CYFIP2: variants seen among roughly 807,000 people sequenced by gnomAD.
CYFIP2 encodes the protein cytoplasmic FMR1 interacting protein 2, also known as cytoplasmic FMR1-interacting protein 2.
A neutral mutation model predicts 158.7 loss-of-function variants in CYFIP2; 29 were observed. That is an observed-to-expected ratio of 0.18 (90% CI 0.14 to 0.25). The LOEUF (loss-of-function observed/expected upper bound fraction) is 0.25. Among genes scored for constraint, CYFIP2 ranks in the 10% least tolerant of loss-of-function variants. CYFIP2 has a pLI of 1.00. For missense variants in CYFIP2, 852 were observed against 1,639.5 expected, an observed-to-expected ratio of 0.52 and a Z score of 8.29; for synonymous variants, 585 against 617.6, an observed-to-expected ratio of 0.95 and a Z score of 0.78.
chr5:157,298,309 C>T (rs560343763), intron 5 of CYFIP2, among the ~76,000 whole-genome samples: 1 of 152,160 alleles, frequency 6.6e-6, no homozygotes, highest in East Asian at 1.9e-4. Context: ...CAGAGTTGTA[C>T]ATTCATCACG....
intron 13 of CYFIP2, among the ~76,000 whole-genome samples, chr5:157,319,276 A>G (rs73815822): frequency 1.2e-3 from 188 of 152,342 alleles, no homozygotes; most frequent in African/African-American, 4.2e-3. Flanking sequence ...TTATAAACTC[A>G]AGCAGCAACT....
At chr5:157,367,272 T>C (rs1359518989) in intron 26 of CYFIP2, among the ~76,000 whole-genome samples, 1 of 152,248 alleles carries the variant, frequency 6.6e-6, no homozygotes, top group African/African-American at 2.4e-5. Context: ...TTATAGGATG[T>C]TGAACAGCAT....
chr5:157,357,198 A>G lies in CYFIP2; in HGVS notation c.2674-1807A>G, dbSNP rs113116071. Among the ~76,000 whole-genome samples, 196 of 152,288 alleles carry G rather than the reference A, an allele frequency of 1.3e-3. 1 individual carries two copies. The highest frequency in any genetic ancestry group is 4.5e-3 in the African/African-American group (185 of 41,564). On this transcript the variant is annotated intron_variant, in intron 23 of 30. Coordinates refer to ENST00000620254, the MANE Select transcript of CYFIP2 (RefSeq NM_001037333.3). ...TTCTGATTCTTCACAAGTCCTTGCT[A>G]TTAGTGGGCACTCTAATTGTGTTCG...
chr5:157,328,265 C>T (rs13155266), intron 19 of CYFIP2, among the ~76,000 whole-genome samples: 53,450 of 152,070 alleles, frequency 0.35, 11,033 homozygotes, highest in African/African-American at 0.58. Flanking sequence ...AGACAGACAT[C>T]GACTAAAAGC....
chr5:157,323,221 A>G (rs1321444947), intron 15 of CYFIP2, among the ~76,000 whole-genome samples: 1 of 152,180 alleles, frequency 6.6e-6, no homozygotes, highest in Non-Finnish European at 1.5e-5. Context: ...TTAATTGTCT[A>G]GTAGCCTCCT....
chr5:157,307,659 G>GTGTGTGTC, intron 8 of CYFIP2, 102 bp from the exon 9 acceptor site: 1 of 481,044 alleles, frequency 2.1e-6, no homozygotes, highest in Non-Finnish European at 3.9e-6. Flanking sequence ...GTGTGTGTAT[G>GTGTGTGTC]TGTGTGTGTG....
chr5:157,343,654 A>G, intron 23 of CYFIP2: 1 of 845,504 alleles, frequency 1.2e-6, no homozygotes, highest in Non-Finnish European at 1.8e-6. Flanking sequence ...TGTTGCCCTC[A>G]TCTTACAGAC....
intron 26 of CYFIP2, among the ~76,000 whole-genome samples, chr5:157,379,259 A>T (rs1765797048): frequency 6.6e-6 from 1 of 151,898 alleles, no homozygotes; most frequent in African/African-American, 2.4e-5. Flanking sequence ...ATTATAGATA[A>T]TATACTTACA....
At chr5:157,317,492 T>C (rs1435629382) in intron 13 of CYFIP2, among the ~76,000 whole-genome samples, 4 of 152,210 alleles carry the variant, frequency 2.6e-5, no homozygotes, top group Non-Finnish European at 4.4e-5. Flanking sequence ...ACATTTTCTA[T>C]TGATTTTCTA....
intron 19 of CYFIP2, among the ~76,000 whole-genome samples, chr5:157,329,007 T>G (rs895815924): frequency 2.0e-5 from 3 of 152,234 alleles, no homozygotes; most frequent in Admixed American, 2.0e-4. Flanking sequence ...AACCAGTAAT[T>G]TCAAGGATAG....
chr5:157,283,983 T>A lies in CYFIP2; in HGVS notation c.-23-1356T>A, dbSNP rs187406157. On this transcript the variant is annotated intron_variant, in intron 1 of 30. Transcript: ENST00000620254. ...GGATCGAAGGTGGTTAGGAAGGGAT[T>A]CTCAGACAAGCACAGTGGCCCTTCT... Among the ~76,000 whole-genome samples, 19 of 152,288 alleles carry A rather than the reference T, an allele frequency of 1.2e-4. No individual in the cohort carries two copies. The East Asian group carries it at 3.5e-3, about 28-fold the overall frequency.
intron 8 of CYFIP2, 125 bp from the exon 9 acceptor site, chr5:157,307,636 G>GGGGTGTGT: frequency 1.2e-5 from 5 of 427,342 alleles, no homozygotes; most frequent in East Asian, 7.8e-5. Flanking sequence ...GTCTCTACAG[G>GGGGTGTGT]GTGTGTGTGT....
intron 21 of CYFIP2, among the ~76,000 whole-genome samples, chr5:157,338,423 T>C (rs1383162300): frequency 6.6e-6 from 1 of 152,236 alleles, no homozygotes; most frequent in Non-Finnish European, 1.5e-5. Context: ...TTAGAGCATA[T>C]AGTGGTTAAG....
At chr5:157,366,277 T>C (rs565258155) in intron 26 of CYFIP2, among the ~76,000 whole-genome samples, 7 of 152,330 alleles carry the variant, frequency 4.6e-5, no homozygotes, top group African/African-American at 1.7e-4. Flanking sequence ...CCTTTTTAAG[T>C]CATCTTTCTT....
chr5:157,304,108 G>T, intron 7 of CYFIP2, 130 bp from the exon 8 acceptor site: 2 of 1,195,726 alleles, frequency 1.7e-6, no homozygotes, highest in Non-Finnish European at 2.3e-6. Context: ...ATGCAGCCTC[G>T]CCTCCCTGGA....
At position 157,358,937 on chromosome 5, in the gene CYFIP2, T is replaced by C. The variant is rs1763607846; in HGVS notation, c.2674-68T>C. ...TCCTAATGCTTCTGTCAGCAGAACA[T>C]CTGCCAGGACTCCACCAGTGTCCAT... On this transcript the variant is annotated intron_variant, in intron 23 of 30. Transcript: ENST00000620254. 1.4e-5 allele frequency: 22 copies of C among 1,594,968 alleles called. No individual in the cohort carries two copies. The South Asian group carries it at 2.1e-4, about 15-fold the overall frequency.
At chr5:157,278,634 A>G (rs1040402834) in intron 1 of CYFIP2, among the ~76,000 whole-genome samples, 1 of 152,246 alleles carries the variant, frequency 6.6e-6, no homozygotes, top group African/African-American at 2.4e-5. Context: ...GAGAAAATCA[A>G]TGTGAAAGAT....
rs186142099 is a variant in CYFIP2, at chr5:157,353,328, G to T, written c.2674-5677G>T. Among the ~76,000 whole-genome samples, 16 of 152,304 alleles carry T rather than the reference G, an allele frequency of 1.1e-4. No homozygotes were observed. The East Asian group carries it at 3.1e-3, about 29-fold the overall frequency. ...GTGACAGTGTTGATGTGATCTCTCA[G>T]CTGGAAGGCTCGGCTCCTGTTCCCC... On this transcript the variant is annotated intron_variant, in intron 23 of 30. Coordinates refer to ENST00000620254, the MANE Select transcript of CYFIP2 (RefSeq NM_001037333.3).
In CYFIP2 at chr5:157,266,274, C is replaced by G. The variant is rs981440300; in HGVS notation, c.-24+79C>G. ...GGACGGGGATGAGGCCGTGAGGATG[C>G]GCGAAGGGCCGCCCCCTCTCCCGGC... On this transcript the variant is annotated intron_variant, in intron 1 of 30. Coordinates refer to ENST00000620254, the MANE Select transcript of CYFIP2 (RefSeq NM_001037333.3). The surrounding 1 kb of genome is among the most constrained non-coding windows in gnomAD (Gnocchi z 4.2). 1.2e-4 allele frequency: 18 copies of G among 150,752 alleles called. No individual in the cohort carries two copies. Among genetic ancestry groups the G allele is most frequent in the Admixed American group, 9.2e-4 (14 of 15,162 alleles). The allele number at this position is 150,752 out of a possible 1,614,324, so 9.3% of individuals were successfully genotyped here.
Sources: allele counts gnomAD v4.1 joint callset (sites outside exome capture counted in the v4.1 genomes callset), GRCh38; gene constraint gnomAD v4.1.1; non-coding constraint Gnocchi (gnomAD v3.1); transcripts MANE v1.5; gene names NCBI Gene and HGNC (gene_info 2026-07-23, HGNC 2026-07-21).